LARGE1: variants seen among roughly 807,000 people sequenced by gnomAD.
LARGE1 encodes the protein LARGE xylosyl- and glucuronyltransferase 1, also known as xylosyl- and glucuronyltransferase LARGE1.
Under a neutral mutation model 87.6 loss-of-function variants are expected in LARGE1, and 43 were observed. That is an observed-to-expected ratio of 0.49 (90% CI 0.38 to 0.63). The LOEUF is 0.63. Among genes scored for constraint, LARGE1 ranks in the 30% least tolerant of loss-of-function variants. The pLI is 0.00. For synonymous variants in LARGE1, 434 were observed against 394.6 expected (o/e 1.10, Z -1.18); for missense variants, 802 against 1,000.2 (o/e 0.80, Z 2.67).
intron 6 of LARGE1, among the ~76,000 whole-genome samples, chr22:33,511,499 A>G (rs545410987): frequency 1.1e-4 from 16 of 152,268 alleles, no homozygotes; most frequent in African/African-American, 3.9e-4. Context: ...CATGGATTTT[A>G]GGTGACCTAA....
chr22:33,321,965 C>T (rs994001740), intron 10 of LARGE1, among the ~76,000 whole-genome samples: 7 of 152,076 alleles, frequency 4.6e-5, no homozygotes, highest in South Asian at 2.1e-4. Flanking sequence ...ATTACAGGTG[C>T]GCACCACCAT....
intron 6 of LARGE1, among the ~76,000 whole-genome samples, chr22:33,531,479 A>G (rs1235741307): frequency 6.6e-6 from 1 of 152,158 alleles, no homozygotes; most frequent in African/African-American, 2.4e-5. Context: ...GAATTATATC[A>G]ATTATCTCTC....
chr22:33,467,534 T>A (rs1336327890), intron 6 of LARGE1, among the ~76,000 whole-genome samples: 1 of 152,226 alleles, frequency 6.6e-6, no homozygotes, highest in African/African-American at 2.4e-5. Context: ...ATTAAGTAGA[T>A]GTGTTGATGT....
chr22:33,455,127 T>C (rs994195139), intron 6 of LARGE1, among the ~76,000 whole-genome samples: 1 of 152,252 alleles, frequency 6.6e-6, no homozygotes, highest in African/African-American at 2.4e-5. Context: ...CCTTTCTTTC[T>C]TTCCTGGGTC....
intron 11 of LARGE1, among the ~76,000 whole-genome samples, chr22:33,215,673 A>T (rs1477141468): frequency 6.6e-6 from 1 of 152,148 alleles, no homozygotes; most frequent in Non-Finnish European, 1.5e-5. Context: ...TCGTCTGTTT[A>T]AGGCTGGGCG....
At chr22:33,882,074 G>A (rs1382593593) in intron 1 of LARGE1, among the ~76,000 whole-genome samples, 1 of 140,760 alleles carries the variant, frequency 7.1e-6, no homozygotes, top group East Asian at 2.0e-4. Flanking sequence ...ACGGAGTCTC[G>A]CTCTGTCACC....
chr22:33,596,782 A>T (rs1388099735), intron 5 of LARGE1, among the ~76,000 whole-genome samples: 3 of 152,210 alleles, frequency 2.0e-5, no homozygotes, highest in African/African-American at 7.2e-5. Flanking sequence ...GAAGAAAGCA[A>T]GATTTGTTGA....
chr22:33,842,802 A>G (rs1272871419), intron 1 of LARGE1, among the ~76,000 whole-genome samples: 1 of 152,208 alleles, frequency 6.6e-6, no homozygotes, highest in African/African-American at 2.4e-5. Context: ...AAGTAGCCAC[A>G]TGCCGCTAAT....
chr22:33,370,574 G>A (rs2064770424), intron 9 of LARGE1, among the ~76,000 whole-genome samples: 1 of 152,070 alleles, frequency 6.6e-6, no homozygotes, highest in Non-Finnish European at 1.5e-5. Context: ...TTATAAATGG[G>A]TGAGTTTGTA....
At chr22:33,371,540 TCTTA>T (rs1156850825) in intron 9 of LARGE1, among the ~76,000 whole-genome samples, 1 of 152,216 alleles carries the variant, frequency 6.6e-6, no homozygotes, top group Admixed American at 6.5e-5. Context: ...ACTTTCAGGC[TCTTA>T]CTTAAACAAA....
intron 11 of LARGE1, among the ~76,000 whole-genome samples, chr22:33,184,423 AT>A (rs796945695): frequency 5.9e-5 from 9 of 151,724 alleles, no homozygotes; most frequent in African/African-American, 2.2e-4. Flanking sequence ...TATCACTACT[AT>A]TGAGAAGCAT....
At chr22:33,066,805 G>C in the LARGE1 span, among the ~76,000 whole-genome samples, 1 of 152,214 alleles carries the variant, frequency 6.6e-6, no homozygotes, top group African/African-American at 2.4e-5. Flanking sequence ...TTTGTACCCT[G>C]TGTGTTGCGG....
At chr22:33,345,384 C>T (rs1939635383) in intron 9 of LARGE1, among the ~76,000 whole-genome samples, 1 of 152,200 alleles carries the variant, frequency 6.6e-6, no homozygotes, top group African/African-American at 2.4e-5. Context: ...CAAAAGATGA[C>T]AGGATCAGAA....
At chr22:33,885,039 AATG>A (rs1218711519) in intron 1 of LARGE1, among the ~76,000 whole-genome samples, 1 of 152,248 alleles carries the variant, frequency 6.6e-6, no homozygotes. Flanking sequence ...GCAGTTTTTA[AATG>A]ATAACTCACT....
intron 7 of LARGE1, among the ~76,000 whole-genome samples, chr22:33,412,271 T>A (rs112584881): frequency 9.0e-4 from 136 of 151,448 alleles, no homozygotes; most frequent in African/African-American, 3.1e-3. Flanking sequence ...GTGACAAGAG[T>A]GAGACTCCAT....
intron 6 of LARGE1, among the ~76,000 whole-genome samples, chr22:33,495,965 T>C (rs1408251506): frequency 6.6e-6 from 1 of 152,104 alleles, no homozygotes; most frequent in Non-Finnish European, 1.5e-5. Flanking sequence ...ACTAATAGGA[T>C]AGATGCTTCT....
chr22:33,509,857 G>A (rs919224623), intron 6 of LARGE1, among the ~76,000 whole-genome samples: 34 of 152,138 alleles, frequency 2.2e-4, no homozygotes, highest in Non-Finnish European at 2.4e-4. Flanking sequence ...GAAATGAATC[G>A]CAGAGAGTGA....
chr22:33,515,366 A>G lies in LARGE1; in HGVS notation c.787+49482T>C, dbSNP rs117247025. ...AGAGAGCAGCAAATCTATCCATGAC[A>G]AACTGTTCATCCCTGCAGACATCAC... is the stretch of plus-strand genomic sequence containing the variant. On this transcript the variant is annotated intron_variant, in intron 6 of 14. Transcript: ENST00000397394. 6.2e-4 allele frequency among the ~76,000 whole-genome samples: 94 copies of G among 152,312 alleles called. 1 individual carries two copies. In the East Asian group the frequency reaches 0.017, roughly 28 times the overall value.
At chr22:33,335,002 G>A (rs994847363) in intron 10 of LARGE1, among the ~76,000 whole-genome samples, 2 of 152,232 alleles carry the variant, frequency 1.3e-5, no homozygotes, top group African/African-American at 4.8e-5. Flanking sequence ...CATAAAAGGA[G>A]TCTCATTTCT....
Sources: allele counts gnomAD v4.1 joint callset (sites outside exome capture counted in the v4.1 genomes callset), GRCh38; gene constraint gnomAD v4.1.1; transcripts MANE v1.5; gene names NCBI Gene and HGNC (gene_info 2026-07-23, HGNC 2026-07-21).